RHOBTB1: variants seen among roughly 807,000 people sequenced by gnomAD.
RHOBTB1 encodes Rho related BTB domain containing 1, also known as rho-related BTB domain-containing protein 1.
Under a neutral mutation model 71.6 loss-of-function variants are expected in RHOBTB1, and 40 were observed. The observed-to-expected ratio is 0.56, with a 90% CI of 0.43 to 0.73. RHOBTB1 has a LOEUF of 0.73. Among genes scored for constraint, RHOBTB1 ranks in the 30% least tolerant of loss-of-function variants. The pLI is 0.00. For missense variants in RHOBTB1, 797 were observed against 894.0 expected, an observed-to-expected ratio of 0.89 and a Z score of 1.38; for synonymous variants, 319 against 334.9, an observed-to-expected ratio of 0.95 and a Z score of 0.52.
intron 2 of RHOBTB1, among the ~76,000 whole-genome samples, chr10:60,926,543 A>C (rs1465907147): frequency 1.3e-5 from 2 of 152,356 alleles, no homozygotes; most frequent in East Asian, 3.9e-4. Flanking sequence ...TGATCAAGTG[A>C]AATTCATCCC....
chr10:60,877,070 C>G (rs1420412566), intron 8 of RHOBTB1: 1 of 152,228 alleles, frequency 6.6e-6, no homozygotes. Flanking sequence ...ACCCAGCTTG[C>G]AACTTAACTC....
chr10:60,922,328 G>T (rs897624447), intron 2 of RHOBTB1, among the ~76,000 whole-genome samples: 1 of 152,208 alleles, frequency 6.6e-6, no homozygotes, highest in African/African-American at 2.4e-5. Context: ...GCAATTAGCT[G>T]CACTTCAAGG....
intron 4 of RHOBTB1, among the ~76,000 whole-genome samples, chr10:60,904,119 A>ATTT (rs558499145): frequency 2.6e-5 from 4 of 151,626 alleles, no homozygotes; most frequent in African/African-American, 9.7e-5. Flanking sequence ...AATTTTTTGT[A>ATTT]TTTTTTTAGT....
At chr10:60,925,234 A>G (rs1013893676) in intron 2 of RHOBTB1, among the ~76,000 whole-genome samples, 2 of 152,226 alleles carry the variant, frequency 1.3e-5, no homozygotes, top group African/African-American at 4.8e-5. Context: ...AAGACTGCAA[A>G]ACCATGAGCC....
At chr10:60,987,046 A>G (rs1214166639) in intron 1 of RHOBTB1, among the ~76,000 whole-genome samples, 1 of 152,196 alleles carries the variant, frequency 6.6e-6, no homozygotes, top group Non-Finnish European at 1.5e-5. Flanking sequence ...GATGTGAGAC[A>G]AAACGGACAG....
chr10:60,878,142 C>G, intron 7 of RHOBTB1, 84 bp from the exon 8 acceptor site: 1 of 1,091,254 alleles, frequency 9.2e-7, no homozygotes, highest in Non-Finnish European at 1.4e-6. Flanking sequence ...TATAAATATC[C>G]TGTGTGACTT....
chr10:60,884,395 C>T (rs2132506213), intron 7 of RHOBTB1, among the ~76,000 whole-genome samples: 1 of 152,258 alleles, frequency 6.6e-6, no homozygotes, highest in South Asian at 2.1e-4. Context: ...CCCATGTTTT[C>T]ATTTCTACTT....
Position 60,954,352 on chromosome 10 carries a change from G to T in RHOBTB1, c.-61-12498C>A, listed in dbSNP as rs191527149. Among the ~76,000 whole-genome samples, 499 of 152,242 alleles carry T rather than the reference G, an allele frequency of 3.3e-3. 1 individual carries two copies. Among genetic ancestry groups the T allele is most frequent in the Middle Eastern group, 0.017 (5 of 294 alleles). ...TTGAAATTATTATAAAAATACAGAA[G>T]ATATAGCAGTCTCAAAAAGGCTTTA... is the stretch of plus-strand genomic sequence containing the variant. On this transcript the variant is annotated intron_variant, in intron 2 of 11. Transcript: ENST00000357917.
At chr10:60,897,509 G>A (rs1022356186) in intron 4 of RHOBTB1, among the ~76,000 whole-genome samples, 4 of 152,054 alleles carry the variant, frequency 2.6e-5, no homozygotes, top group African/African-American at 9.7e-5. Flanking sequence ...GAATAATTCT[G>A]ACATTATCTT....
At chr10:60,931,358 T>C (rs576158183) in intron 2 of RHOBTB1, among the ~76,000 whole-genome samples, 53 of 152,304 alleles carry the variant, frequency 3.5e-4, no homozygotes, top group African/African-American at 1.3e-3. Flanking sequence ...TCCCCAGCTC[T>C]GGCAACCACG....
chr10:60,982,776 C>A (rs1190752081), intron 2 of RHOBTB1, among the ~76,000 whole-genome samples: 2 of 152,164 alleles, frequency 1.3e-5, no homozygotes, highest in African/African-American at 4.8e-5. Flanking sequence ...GCCTTTCTCA[C>A]ACATAGTAAG....
At chr10:60,880,301 G>C (rs2081272434) in intron 7 of RHOBTB1, among the ~76,000 whole-genome samples, 1 of 151,056 alleles carries the variant, frequency 6.6e-6, no homozygotes, top group Admixed American at 6.6e-5. Context: ...ATGTATAATG[G>C]CCCCACATTC....
chr10:60,963,424 C>G (rs1272267811), intron 2 of RHOBTB1, among the ~76,000 whole-genome samples: 2 of 152,156 alleles, frequency 1.3e-5, no homozygotes, highest in Non-Finnish European at 1.5e-5. Context: ...TAGGGCAACC[C>G]TGCAAAAAGG....
chr10:60,917,222 G>A (rs1864764), intron 2 of RHOBTB1, among the ~76,000 whole-genome samples: 72,791 of 152,074 alleles, frequency 0.48, 18,101 homozygotes, highest in East Asian at 0.73. Context: ...AATGTTGTTT[G>A]TTACCTTTAT....
At chr10:60,950,419 A>T (rs2085371342) in intron 2 of RHOBTB1, among the ~76,000 whole-genome samples, 1 of 152,228 alleles carries the variant, frequency 6.6e-6, no homozygotes, top group African/African-American at 2.4e-5. Flanking sequence ...ATTTAAGGCT[A>T]TCTTGCCTGA....
Position 60,998,792 on chromosome 10 carries a change from T to C in RHOBTB1, c.-163+2607A>G, listed in dbSNP as rs556738106. Among the ~76,000 whole-genome samples the C allele has an allele frequency of 3.9e-3, 590 of 152,346 alleles. 3 individuals carry two copies. The highest frequency in any genetic ancestry group is 7.0e-3 in the Non-Finnish European group (474 of 68,026). On this transcript the variant is annotated intron_variant, in intron 1 of 11. Transcript: ENST00000357917. ...GCCCAGAGGGTTTAAAGGACTTCTC[T>C]GAGGTCAAATGGCTAATTAATAGAA...
At chr10:60,881,148 C>T (rs1403581921) in intron 7 of RHOBTB1, among the ~76,000 whole-genome samples, 2 of 152,150 alleles carry the variant, frequency 1.3e-5, no homozygotes, top group African/African-American at 4.8e-5. Flanking sequence ...ACTTGGTTCT[C>T]TCTCTCTTGC....
intron 2 of RHOBTB1, among the ~76,000 whole-genome samples, chr10:60,975,901 C>T (rs1243527284): frequency 2.0e-5 from 3 of 151,948 alleles, no homozygotes; most frequent in Non-Finnish European, 4.4e-5. Context: ...CTCACTTGCA[C>T]CTCATGATCT....
In RHOBTB1 at chr10:60,911,523, T is replaced by C. The variant is rs2082970494; in HGVS notation, c.20A>G (p.Tyr7Cys). The C allele has an allele frequency of 2.5e-6, 4 of 1,614,010 alleles. No individual in the cohort carries two copies. The highest frequency in any genetic ancestry group is 2.5e-6 in the Non-Finnish European group (3 of 1,180,010). The change falls in exon 3 of 11, where the codon TAC (tyrosine) becomes TGC (cysteine). Residue 7 changes from tyrosine (Y) to cysteine (C), a missense_variant. Around this residue, in one of 2 missense-constraint regions of RHOBTB1, gnomAD observed 139 missense variants for 212.5 expected, o/e 0.65. Transcript: ENST00000337910. MDADMDYERPNVETIKC... is the reference protein window; with the variant it reads MDADMDCERPNVETIKC... The stretch of plus-strand genomic sequence containing the variant: ...GATAGTTTCAACGTTGGGTCTTTCG[T>C]AGTCCATGTCAGCGTCCATTTATGA...
Sources: allele counts gnomAD v4.1 joint callset (sites outside exome capture counted in the v4.1 genomes callset), GRCh38; gene constraint gnomAD v4.1.1; regional missense constraint gnomAD v4.1.1; transcripts MANE v1.5; gene names NCBI Gene and HGNC (gene_info 2026-07-23, HGNC 2026-07-21).